Variants in CA8 observed in about 807,000 individuals in gnomAD.
CA8 encodes the protein carbonic anhydrase 8 (inactive), also known as carbonic anhydrase-related protein.
In CA8, 22 loss-of-function variants were observed where a neutral mutation model predicts 41.4. That is an observed-to-expected ratio of 0.53 (90% CI 0.38 to 0.76). The LOEUF is 0.76. Ranked by LOEUF, CA8 falls within the 30% of genes least tolerant of loss-of-function variation. The probability of loss-of-function intolerance (pLI) is 0.00; values close to 1 mark genes in which losing one functional copy is unlikely to be tolerated. For missense variants in CA8, 270 were observed against 352.8 expected (o/e 0.77, Z 1.88); for synonymous variants, 121 against 130.6 (o/e 0.93, Z 0.50).
intron 2 of CA8, among the ~76,000 whole-genome samples, chr8:60,270,834 AT>A (rs973544704): frequency 3.3e-5 from 5 of 152,148 alleles, no homozygotes; most frequent in African/African-American, 1.2e-4. Flanking sequence ...TTTTTTTAAC[AT>A]TTGAGGCCTT....
At chr8:60,280,961 G>GCGGCGA in intron 1 of CA8, 87 bp downstream of exon 1, 1 of 935,050 alleles carries the variant, frequency 1.1e-6, no homozygotes, top group Non-Finnish European at 1.7e-6. Context: ...CTCGGAGCGC[G>GCGGCGA]CAGCGGCAGC....
At chr8:60,246,635 T>A (rs1808248253) in intron 3 of CA8, among the ~76,000 whole-genome samples, 1 of 152,088 alleles carries the variant, frequency 6.6e-6, no homozygotes, top group African/African-American at 2.4e-5. Flanking sequence ...TTAAAAAACT[T>A]TATTTGTATA....
At chr8:60,280,296 A>G (rs13274525) in intron 1 of CA8, among the ~76,000 whole-genome samples, 66,537 of 152,064 alleles carry the variant, frequency 0.44, 15,064 homozygotes, top group African/African-American at 0.55. Context: ...TCATGCTAGT[A>G]AATAGACGCC....
At chr8:60,204,720 A>C (rs760785382) in intron 8 of CA8, among the ~76,000 whole-genome samples, 2 of 152,214 alleles carry the variant, frequency 1.3e-5, no homozygotes, top group Non-Finnish European at 2.9e-5. Flanking sequence ...AAACAGCTAC[A>C]TCTGTAGAGC....
At position 60,280,930 on chromosome 8, in the gene CA8, G is replaced by T. The variant is rs541122984; in HGVS notation, c.100+118C>A. On this transcript the variant is annotated intron_variant, in intron 1 of 8. Transcript: ENST00000317995. ...GGGAAAGTGGCAGAGACCCCCGTGG[G>T]AAAGAGGGGGCGTGGGGGTGCTCGG... is the stretch of plus-strand genomic sequence containing the variant. 17 of 750,330 alleles carry T rather than the reference G, an allele frequency of 2.3e-5. No individual in the cohort carries two copies. The African/African-American group carries it at 2.4e-4, about 11-fold the overall frequency. 46.5% of individuals were successfully genotyped at this position (750,330 alleles called of 1,614,324 possible). A position where few individuals can be genotyped will look rare whatever the true frequency, so the allele number is the denominator to read the frequency against.
intron 5 of CA8, among the ~76,000 whole-genome samples, chr8:60,226,644 T>C (rs1394490266): frequency 6.6e-6 from 1 of 152,176 alleles, no homozygotes; most frequent in Non-Finnish European, 1.5e-5. Context: ...GTGACTCCAC[T>C]GGGAGGGGAC....
chr8:60,239,156 T>C (rs1299962475), intron 3 of CA8, among the ~76,000 whole-genome samples: 1 of 152,196 alleles, frequency 6.6e-6, no homozygotes, highest in Non-Finnish European at 1.5e-5. Flanking sequence ...CAGGCTGCAG[T>C]GCAGTGACAA....
intron 3 of CA8, among the ~76,000 whole-genome samples, chr8:60,263,046 A>G (rs1478315055): frequency 6.6e-6 from 1 of 152,212 alleles, no homozygotes; most frequent in Non-Finnish European, 1.5e-5. Flanking sequence ...GATTTCTATT[A>G]AAAGCTGTTC....
At chr8:60,219,929 T>TAAAAAAAAAAAAAAAAA (rs546162939) in intron 7 of CA8, among the ~76,000 whole-genome samples, 19 of 81,996 alleles carry the variant, frequency 2.3e-4, no homozygotes, top group East Asian at 4.3e-4. Flanking sequence ...AATCTTAACT[T>TAAAAAAAAAAAAAAAAA]AAAAAAAAAA....
At chr8:60,256,955 A>G (rs1376658055) in intron 3 of CA8, among the ~76,000 whole-genome samples, 1 of 152,084 alleles carries the variant, frequency 6.6e-6, no homozygotes, top group Non-Finnish European at 1.5e-5. Flanking sequence ...TATAGTAACA[A>G]AACGTTTTTT....
intron 3 of CA8, among the ~76,000 whole-genome samples, chr8:60,257,895 C>G (rs1803600532): frequency 6.6e-6 from 1 of 152,240 alleles, no homozygotes. Context: ...GCATACTGCA[C>G]AGGCAGGTTA....
intron 8 of CA8, among the ~76,000 whole-genome samples, chr8:60,193,851 C>T (rs1806203735): frequency 6.6e-6 from 1 of 152,130 alleles, no homozygotes; most frequent in Non-Finnish European, 1.5e-5. Context: ...TGGGGAAATG[C>T]TTTGGATAAT....
chr8:60,220,842 C>T (rs1328448881), intron 7 of CA8, among the ~76,000 whole-genome samples: 5 of 152,116 alleles, frequency 3.3e-5, no homozygotes, highest in Admixed American at 3.3e-4. Flanking sequence ...AGTGGAGCTC[C>T]CTGTTTCTAC....
intron 3 of CA8, among the ~76,000 whole-genome samples, chr8:60,248,104 T>TG (rs991497284): frequency 6.6e-6 from 1 of 152,122 alleles, no homozygotes; most frequent in African/African-American, 2.4e-5. Context: ...ATGTTTTTTT[T>TG]TTTTACCTTG....
chr8:60,235,716 G>A (rs918903960), intron 3 of CA8, among the ~76,000 whole-genome samples: 5 of 152,202 alleles, frequency 3.3e-5, no homozygotes, highest in African/African-American at 7.2e-5. Flanking sequence ...GGTAGCTAGA[G>A]GGTACATAAG....
At chr8:60,214,979 G>A (rs1397670642) in intron 7 of CA8, among the ~76,000 whole-genome samples, 1 of 152,104 alleles carries the variant, frequency 6.6e-6, no homozygotes, top group East Asian at 1.9e-4. Flanking sequence ...AGATAAGTAG[G>A]GAGGGAATGC....
intron 8 of CA8, among the ~76,000 whole-genome samples, chr8:60,191,480 A>T (rs1328410960): frequency 6.6e-6 from 1 of 152,106 alleles, no homozygotes; most frequent in African/African-American, 2.4e-5. Context: ...AAACGAATCC[A>T]TGTTAAAAAA....
At chr8:60,219,520 T>A (rs922842405) in intron 7 of CA8, among the ~76,000 whole-genome samples, 3 of 152,156 alleles carry the variant, frequency 2.0e-5, no homozygotes, top group Non-Finnish European at 4.4e-5. Context: ...GCCTCTGAAG[T>A]TCTTGTCATG....
intron 2 of CA8, among the ~76,000 whole-genome samples, chr8:60,277,375 C>T (rs1323725731): frequency 1.3e-5 from 2 of 150,954 alleles, no homozygotes; most frequent in African/African-American, 2.4e-5. Context: ...TTTTTTGAGA[C>T]GGAGTTTTGC....
Sources: allele counts gnomAD v4.1 joint callset (sites outside exome capture counted in the v4.1 genomes callset), GRCh38; gene constraint gnomAD v4.1.1; transcripts MANE v1.5; gene names NCBI Gene and HGNC (gene_info 2026-07-23, HGNC 2026-07-21).